The following RANBP2 variants were observed in gnomAD, a reference collection of about 807,000 sequenced individuals.
RANBP2 encodes E3 SUMO-protein ligase RanBP2.
RANBP2 carries 57 observed loss-of-function variants against 303.6 expected under a neutral mutation model. The ratio of observed to expected loss-of-function variants is 0.19; its 90% CI spans 0.15 to 0.23. The LOEUF (loss-of-function observed/expected upper bound fraction) is 0.23. RANBP2 is among the 10% of genes least tolerant of loss of function. The pLI is 1.00. For synonymous variants in RANBP2, 1,167 were observed against 1,301.5 expected (o/e 0.90, Z 2.23); for missense variants, 3,138 against 3,780.8 (o/e 0.83, Z 4.46).
the RANBP2 span, among the ~76,000 whole-genome samples, chr2:109,583,775 G>A: frequency 6.6e-6 from 1 of 152,076 alleles, no homozygotes; most frequent in African/African-American, 2.4e-5. Flanking sequence ...AACAAGTGTG[G>A]TACATACCTA....
the RANBP2 span, among the ~76,000 whole-genome samples, chr2:109,040,868 A>G: frequency 2.6e-5 from 4 of 152,100 alleles, no homozygotes; most frequent in African/African-American, 9.7e-5. Flanking sequence ...ATCCTAGCTA[A>G]CACAGTGAAA....
the RANBP2 span, chr2:109,545,419 T>C: frequency 6.5e-7 from 1 of 1,536,012 alleles, no homozygotes; most frequent in Non-Finnish European, 8.7e-7. Flanking sequence ...ATCATCCACA[T>C]GCTACTCATG....
the RANBP2 span, among the ~76,000 whole-genome samples, chr2:109,201,367 G>T: frequency 6.6e-6 from 1 of 152,180 alleles, no homozygotes; most frequent in African/African-American, 2.4e-5. Flanking sequence ...TGGGCTTTGG[G>T]CCTTGGCCCC....
At chr2:109,667,163 T>C in the RANBP2 span, 1 of 1,325,812 alleles carries the variant, frequency 7.5e-7, no homozygotes, top group Non-Finnish European at 1.1e-6. Context: ...AACATTTTAA[T>C]TCACTGCACA....
At chr2:109,015,118 C>CAAAAAAAAAAAAAA in the RANBP2 span, among the ~76,000 whole-genome samples, 3 of 68,812 alleles carry the variant, frequency 4.4e-5, no homozygotes, top group African/African-American at 1.8e-4. Context: ...GACTCCATCT[C>CAAAAAAAAAAAAAA]AAAAAAAAAA....
the RANBP2 span, among the ~76,000 whole-genome samples, chr2:109,424,123 G>C: frequency 6.6e-6 from 1 of 152,218 alleles, no homozygotes; most frequent in Admixed American, 6.5e-5. Context: ...GAGATGGGGA[G>C]GTTTGTGGGG....
intron 2 of RANBP2, among the ~76,000 whole-genome samples, chr2:108,729,972 G>T (rs1056591384): frequency 6.6e-6 from 1 of 151,956 alleles, no homozygotes; most frequent in African/African-American, 2.4e-5. Flanking sequence ...GCCTGCCTCG[G>T]CCTCCCGTAG....
the RANBP2 span, among the ~76,000 whole-genome samples, chr2:109,149,007 C>G: frequency 7.1e-3 from 1,076 of 152,334 alleles, 5 homozygotes; most frequent in African/African-American, 0.024. Context: ...TTCTGGCTTT[C>G]AACTGCAGAT....
the RANBP2 span, chr2:109,564,509 A>C: frequency 6.5e-7 from 1 of 1,550,096 alleles, no homozygotes; most frequent in Non-Finnish European, 8.8e-7. Flanking sequence ...GCAGCTTTAC[A>C]AAGTCACAGT....
chr2:108,848,968 A>T, the RANBP2 span, among the ~76,000 whole-genome samples: 2 of 152,232 alleles, frequency 1.3e-5, no homozygotes, highest in Non-Finnish European at 2.9e-5. Flanking sequence ...TATTATAACT[A>T]TATCCCTGTG....
At chr2:108,788,750 GAGA>G (rs1354942687), downstream of RANBP2, 1 of 1,462,522 alleles carries the variant, frequency 6.8e-7, no homozygotes. Flanking sequence ...AAATTTGAGA[GAGA>G]AGATTTTAAA....
chr2:109,123,437 A>G, the RANBP2 span, among the ~76,000 whole-genome samples: 90 of 142,202 alleles, frequency 6.3e-4, 1 homozygote, highest in Middle Eastern at 0.025. Context: ...TGCCCCAAGC[A>G]TGCCTTTCTC....
chr2:108,900,560 G>GAAAAAAAA, the RANBP2 span, among the ~76,000 whole-genome samples: 1 of 43,462 alleles, frequency 2.3e-5, no homozygotes. Flanking sequence ...CAAAAAAAAA[G>GAAAAAAAA]AAAAAAAAAA....
At chr2:109,091,344 C>T in the RANBP2 span, among the ~76,000 whole-genome samples, 1 of 152,208 alleles carries the variant, frequency 6.6e-6, no homozygotes, top group African/African-American at 2.4e-5. Flanking sequence ...TTTTGTGTCT[C>T]ATCACTGCTC....
chr2:109,580,992 T>TG, the RANBP2 span, among the ~76,000 whole-genome samples: 736 of 152,302 alleles, frequency 4.8e-3, 5 homozygotes, highest in African/African-American at 0.017. Flanking sequence ...ACTGCACATC[T>TG]GGAGAGGGCC....
chr2:109,424,053 G>A, the RANBP2 span, among the ~76,000 whole-genome samples: 1 of 152,214 alleles, frequency 6.6e-6, no homozygotes, highest in African/African-American at 2.4e-5. Context: ...CCCTGGTGGT[G>A]GCAGCACATC....
chr2:108,858,163 G>T, the RANBP2 span, among the ~76,000 whole-genome samples: 1 of 152,172 alleles, frequency 6.6e-6, no homozygotes, highest in African/African-American at 2.4e-5. Flanking sequence ...GGCCAACACG[G>T]TGAAACCCCG....
At chr2:109,147,230 C>G in the RANBP2 span, among the ~76,000 whole-genome samples, 3 of 152,214 alleles carry the variant, frequency 2.0e-5, no homozygotes, top group East Asian at 1.9e-4. Flanking sequence ...TACAGCTGTC[C>G]GCTGCTGCTG....
the RANBP2 span, among the ~76,000 whole-genome samples, chr2:109,224,130 T>C: frequency 1.3e-5 from 2 of 152,188 alleles, no homozygotes; most frequent in African/African-American, 2.4e-5. Context: ...TGAGGCCTGG[T>C]CTCCCACTTC....
Sources: gnomAD v4.1 joint callset for allele counts (sites outside exome capture counted in the v4.1 genomes callset) on GRCh38, gnomAD v4.1.1 for gene constraint, MANE v1.5 for transcripts, NCBI Gene and HGNC (gene_info 2026-07-23, HGNC 2026-07-21) for gene names.